Variants in CCDC171 observed in about 807,000 individuals in gnomAD.
CCDC171 encodes coiled-coil domain containing 171.
Under a neutral mutation model 168.2 loss-of-function variants are expected in CCDC171, and 177 were observed. That is an observed-to-expected ratio of 1.05 (90% CI 0.93 to 1.19). The LOEUF is 1.19. CCDC171 is among the 50% of genes most tolerant of loss of function. The pLI is 0.00. For missense variants in CCDC171, 1,991 were observed against 1,539.0 expected (o/e 1.29, Z -4.91); for synonymous variants, 687 against 540.8 (o/e 1.27, Z -3.75).
intron 24 of CCDC171, among the ~76,000 whole-genome samples, chr9:15,912,748 A>T (rs1823892097): frequency 6.6e-6 from 1 of 152,112 alleles, no homozygotes; most frequent in African/African-American, 2.4e-5. Context: ...TTAGCATGAA[A>T]GGGTGTTTAA....
At chr9:15,747,855 C>T (rs1025688010) in intron 18 of CCDC171, among the ~76,000 whole-genome samples, 4 of 152,198 alleles carry the variant, frequency 2.6e-5, no homozygotes, top group Non-Finnish European at 5.9e-5. Flanking sequence ...TAAAGGATCA[C>T]AACTCCTCAC....
chr9:15,822,131 T>G (rs2059801827), intron 21 of CCDC171, among the ~76,000 whole-genome samples: 1 of 152,210 alleles, frequency 6.6e-6, no homozygotes, highest in Non-Finnish European at 1.5e-5. Flanking sequence ...GCTAGCCATA[T>G]GTAGAAAGCT....
chr9:15,615,656 A>T (rs898629760), intron 6 of CCDC171, among the ~76,000 whole-genome samples: 1 of 152,186 alleles, frequency 6.6e-6, no homozygotes, highest in Non-Finnish European at 1.5e-5. Flanking sequence ...TTTTTTTTAA[A>T]AAAGGATTAA....
At chr9:16,100,251 A>T in the CCDC171 span, among the ~76,000 whole-genome samples, 1 of 152,198 alleles carries the variant, frequency 6.6e-6, no homozygotes, top group African/African-American at 2.4e-5. Flanking sequence ...CAAAATGATG[A>T]TATTAATTCT....
intron 6 of CCDC171, among the ~76,000 whole-genome samples, chr9:15,615,430 G>A (rs962801298): frequency 2.0e-5 from 3 of 152,112 alleles, no homozygotes; most frequent in Non-Finnish European, 4.4e-5. Context: ...GAATACAATA[G>A]AAATTATCAT....
chr9:15,729,578 T>A (rs377530735), intron 15 of CCDC171, 32 bp from the exon 16 acceptor site: 31 of 1,446,498 alleles, frequency 2.1e-5, no homozygotes, highest in Non-Finnish European at 2.7e-5. Flanking sequence ...CTTGTGAGCA[T>A]ATTTCCTTCT....
chr9:15,845,350 G>C (rs904847552), intron 21 of CCDC171, among the ~76,000 whole-genome samples: 5 of 152,014 alleles, frequency 3.3e-5, no homozygotes, highest in African/African-American at 1.2e-4. Context: ...CTCATAAGTA[G>C]TCATAGTTTG....
chr9:15,884,171 C>G (rs1819075182), intron 24 of CCDC171, among the ~76,000 whole-genome samples: 1 of 152,112 alleles, frequency 6.6e-6, no homozygotes, highest in Admixed American at 6.5e-5. Flanking sequence ...TCACTATTTT[C>G]TGTGACCCCT....
At chr9:15,634,717 A>T (rs1412022615) in intron 7 of CCDC171, among the ~76,000 whole-genome samples, 2 of 152,194 alleles carry the variant, frequency 1.3e-5, no homozygotes, top group Non-Finnish European at 2.9e-5. Flanking sequence ...TAGTGTATTC[A>T]CAGCATTGTG....
chr9:15,622,791 C>T (rs564746158), intron 6 of CCDC171, among the ~76,000 whole-genome samples: 1 of 152,254 alleles, frequency 6.6e-6, no homozygotes, highest in African/African-American at 2.4e-5. Context: ...GAAACACAGC[C>T]ATCTAGTGGA....
In CCDC171 at chr9:16,010,761, C is replaced by A. The variant is rs536936956; in HGVS notation, n.369-9828C>A. Among the ~76,000 whole-genome samples, 268 of 111,448 alleles carry A rather than the reference C, an allele frequency of 2.4e-3. 2 individuals carry two copies. The highest frequency in any genetic ancestry group is 8.2e-3 in the African/African-American group (249 of 30,536). 73.1% of individuals were successfully genotyped at this position (111,448 alleles called of 152,430 possible). On this transcript the variant is annotated intron_variant and non_coding_transcript_variant, in intron 3 of 9. Coordinates refer to the CCDC171 transcript ENST00000486641. The stretch of plus-strand genomic sequence containing the variant: ...GTCAACAGTTTATTAAAAAAAAAAA[C>A]CCAAACCTCTGGAGCATGGAATGCT...
Position 15,578,958 on chromosome 9 carries a change from G to C in CCDC171, c.287G>C (p.Gly96Ala), listed in dbSNP as rs1032368782. 5.6e-6 allele frequency: 9 copies of C among 1,613,960 alleles called. No homozygotes were observed. The African/African-American group carries it at 1.2e-4, about 22-fold the overall frequency. The change falls in exon 4 of 26, where the codon GGT becomes GCT. Residue 96 changes from glycine to alanine, a missense_variant. Physicochemically the swap from Gly to Ala is moderately conservative, Grantham distance 60. Coordinates refer to ENST00000380701, the MANE Select transcript of CCDC171 (RefSeq NM_173550.4). ...YDLAVARKEA[G>A]LGRRAAEERL... ...CTAGCTGTTGCTAGAAAGGAAGCTG[G>C]TCTTGGAAGACGGGCTGCTGAAGAA...
At chr9:15,698,229 A>G (rs1047481511) in intron 11 of CCDC171, among the ~76,000 whole-genome samples, 1 of 152,146 alleles carries the variant, frequency 6.6e-6, no homozygotes, top group Admixed American at 6.5e-5. Flanking sequence ...ATGTGTGAGT[A>G]AGAACATAAG....
chr9:15,571,752 A>C lies in CCDC171; in HGVS notation c.170A>C (p.Asn57Thr). The change falls in exon 3 of 26, where the codon AAT (asparagine) becomes ACT (threonine). Residue 57 changes from asparagine (N) to threonine (T), a missense_variant. Coordinates refer to ENST00000380701, the MANE Select transcript of CCDC171 (RefSeq NM_173550.4). ...KEKLEITTKH[N>T]AELASYESQI... is the part of the protein sequence containing the mutation. ...AAGTTAGAAATAACAACCAAACACA[A>C]TGCAGAGGTACGATTTATTTTCCTC... 1 of 1,574,752 alleles carries C rather than the reference A, an allele frequency of 6.4e-7. No individual in the cohort carries two copies. The highest frequency in any genetic ancestry group is 2.3e-5 in the East Asian group (1 of 43,012).
chr9:15,663,242 C>T (rs1479474104), intron 8 of CCDC171, among the ~76,000 whole-genome samples: 7 of 151,918 alleles, frequency 4.6e-5, no homozygotes, highest in Non-Finnish European at 8.8e-5. Context: ...AGCGTCAAAC[C>T]CAAGTTTTAT....
intron 3 of CCDC171, among the ~76,000 whole-genome samples, chr9:15,575,946 G>C (rs1484404251): frequency 6.6e-6 from 1 of 152,076 alleles, no homozygotes; most frequent in Non-Finnish European, 1.5e-5. Flanking sequence ...GCAAAAATTA[G>C]CTGGGCGTGG....
intron 3 of CCDC171, among the ~76,000 whole-genome samples, chr9:16,012,666 C>G (rs1832901757): frequency 6.6e-6 from 1 of 151,426 alleles, no homozygotes; most frequent in South Asian, 2.1e-4. Context: ...GTATCAGACT[C>G]TTGCAGAATA....
intron 1 of CCDC171, among the ~76,000 whole-genome samples, chr9:16,057,230 G>C (rs1355611833): frequency 6.6e-6 from 1 of 152,176 alleles, no homozygotes; most frequent in Non-Finnish European, 1.5e-5. Context: ...AGATGAAAAT[G>C]ATAAGAACCA....
rs367811697 is a variant in CCDC171 at position 15,822,685 on chromosome 9, G to A, written c.3268-24017G>A. Among the ~76,000 whole-genome samples, 9 of 152,090 alleles carry A rather than the reference G, an allele frequency of 5.9e-5. No individual in the cohort carries two copies. The South Asian group carries it at 6.2e-4, about 11-fold the overall frequency. On this transcript the variant is annotated intron_variant, in intron 21 of 25. Coordinates refer to ENST00000380701, the MANE Select transcript of CCDC171 (RefSeq NM_173550.4). Reference sequence around the variant, plus strand: ...GCGATCATTAAAAAGTCAGGAAACAGCAGGTGCTGGAGAGGATGTGGAGAA... The same window carrying A: ...GCGATCATTAAAAAGTCAGGAAACAACAGGTGCTGGAGAGGATGTGGAGAA...
Sources: gnomAD v4.1 joint callset for allele counts (sites outside exome capture counted in the v4.1 genomes callset) on GRCh38, gnomAD v4.1.1 for gene constraint, MANE v1.5 for transcripts, NCBI Gene and HGNC (gene_info 2026-07-23, HGNC 2026-07-21) for gene names.